GLIPR1: variants seen among roughly 807,000 people sequenced by gnomAD.
The protein encoded by GLIPR1 is GLI pathogenesis related 1.
GLIPR1 carries 38 observed loss-of-function variants against 30.3 expected under a neutral mutation model. The ratio of observed to expected loss-of-function variants is 1.26; its 90% CI spans 0.97 to 1.65. The LOEUF (loss-of-function observed/expected upper bound fraction) is 1.65. Ranked by LOEUF, GLIPR1 falls within the 40% of genes most tolerant of loss-of-function variation. GLIPR1 has a pLI of 0.00. For missense variants in GLIPR1, 285 were observed against 326.5 expected, an observed-to-expected ratio of 0.87 and a Z score of 0.98; for synonymous variants, 122 against 110.6, an observed-to-expected ratio of 1.10 and a Z score of -0.65.
At chr12:75,493,088 A>G (rs1215793041) in intron 3 of GLIPR1, 1 of 152,162 alleles carries the variant, frequency 6.6e-6, no homozygotes, top group Non-Finnish European at 1.5e-5. Flanking sequence ...TCGGTCTGCT[A>G]AACAGATGAA....
At chr12:75,498,652 TA>T in intron 4 of GLIPR1, 41 bp from the exon 5 acceptor site, 1 of 1,541,328 alleles carries the variant, frequency 6.5e-7, no homozygotes, top group Non-Finnish European at 9.0e-7. Flanking sequence ...CAACTGTGTC[TA>T]CCCTTTTAAT....
intron 3 of GLIPR1, chr12:75,494,534 C>G (rs1216687277): frequency 6.6e-6 from 1 of 152,142 alleles, no homozygotes; most frequent in Non-Finnish European, 1.5e-5. Flanking sequence ...TATCACAAAT[C>G]TTGTTTTAAA....
At chr12:75,487,764 C>G (rs1319736668) in intron 2 of GLIPR1, 3 of 456,358 alleles carry the variant, frequency 6.6e-6, no homozygotes, top group Non-Finnish European at 1.3e-5. Flanking sequence ...GGTCGGGATC[C>G]AAACCCCAAG....
Position 75,498,504 on chromosome 12 carries a change from A to AAAG in GLIPR1, c.620-189_620-187dup. The AAAG allele has an allele frequency of 3.8e-6, 2 of 530,974 alleles. 1 individual carries two copies. Among genetic ancestry groups the AAAG allele is most frequent in the Middle Eastern group, 9.7e-4 (2 of 2,064 alleles). The allele number at this position is 530,974 out of a possible 1,614,324, so 32.9% of individuals were successfully genotyped here. ...TAAAAGGTTTATAAAGTTTATGTAA[A>AAAG]AAGTCAACTTAAAAATACCAAGTTA... On this transcript the variant is annotated intron_variant, in intron 4 of 5. Coordinates refer to ENST00000266659, the MANE Select transcript of GLIPR1 (RefSeq NM_006851.3).
rs1241931982 is a variant in GLIPR1, at chr12:75,499,700, A to G, written c.*722A>G. 2.4e-6 allele frequency: 1 copy of G among 418,960 alleles called. No individual in the cohort carries two copies. The highest frequency in any genetic ancestry group is 3.6e-6 in the Non-Finnish European group (1 of 277,434). 26.0% of individuals were successfully genotyped at this position (418,960 alleles called of 1,614,324 possible). ...CTTCTATGAACAACCACCACCACCA[A>G]AAAAAAAAAAAGCCCTCAGAAAATT... is the stretch of plus-strand genomic sequence containing the variant. On this transcript the variant is annotated 3_prime_UTR_variant, in exon 6 of 6. Coordinates refer to ENST00000266659, the MANE Select transcript of GLIPR1 (RefSeq NM_006851.3).
intron 2 of GLIPR1, among the ~76,000 whole-genome samples, chr12:75,485,092 A>G (rs2046287467): frequency 6.6e-6 from 1 of 152,226 alleles, no homozygotes; most frequent in Non-Finnish European, 1.5e-5. Flanking sequence ...TGTTAAATTC[A>G]TGCTGAACAG....
At chr12:75,498,533 C>A in intron 4 of GLIPR1, 161 bp from the exon 5 acceptor site, 1 of 569,684 alleles carries the variant, frequency 1.8e-6, no homozygotes, top group African/African-American at 1.9e-5. Context: ...CAAGTTAATT[C>A]AGTCAGTTCA....
rs1257030763 is a variant in GLIPR1 at position 75,498,957 on chromosome 12, T to C, written c.780T>C (p.Pro260=). The C allele has an allele frequency of 6.3e-7, 1 of 1,599,738 alleles. No individual in the cohort carries two copies. The highest frequency in any genetic ancestry group is 8.5e-7 in the Non-Finnish European group (1 of 1,174,240). ...IITILVQHKY[P]NLVLLD is the part of the protein sequence containing the mutation. ...CCATTTTGGTACAGCACAAGTACCC[T>C]AATTTAGTTCTTTTGGACTAATACA... Residue 260 remains proline, a synonymous_variant, in exon 6 of 6, where the codon CCT becomes CCC. Coordinates refer to ENST00000266659, the MANE Select transcript of GLIPR1 (RefSeq NM_006851.3).
In GLIPR1 at chr12:75,502,093, T is replaced by TG; in HGVS notation, c.*3119dup. On this transcript the variant is annotated 3_prime_UTR_variant, in exon 6 of 6. Transcript: ENST00000266659. The stretch of plus-strand genomic sequence containing the variant: ...CACAATATCCTTAGGGTAAAAACAA[T>TG]GGGGTCAAACTGATTTATTAATAAA... 1.0e-6 allele frequency: 1 copy of TG among 989,940 alleles called. No homozygotes were observed. Among genetic ancestry groups the TG allele is most frequent in the South Asian group, 1.4e-5 (1 of 73,882 alleles). The allele number at this position is 989,940 out of a possible 1,614,324, so 61.3% of individuals were successfully genotyped here.
rs910832176 is a variant in GLIPR1 at position 75,498,689 on chromosome 12, T to C, written c.620-5T>C. Reference sequence around the variant, plus strand: ...TTTTTTTCTTTCTTCCCCCTAACTTTACAGTTAACCGACAGCGAGACCAAG... The same window carrying C: ...TTTTTTTCTTTCTTCCCCCTAACTTCACAGTTAACCGACAGCGAGACCAAG... On this transcript the variant is annotated splice_region_variant and splice_polypyrimidine_tract_variant and intron_variant, in intron 4 of 5. Transcript: ENST00000266659. 1 of 1,611,642 alleles carries C rather than the reference T, an allele frequency of 6.2e-7. No homozygotes were observed. The highest frequency in any genetic ancestry group is 1.3e-5 in the African/African-American group (1 of 74,860).
At chr12:75,488,568 A>C (rs980881873) in intron 2 of GLIPR1, among the ~76,000 whole-genome samples, 1 of 152,142 alleles carries the variant, frequency 6.6e-6, no homozygotes, top group African/African-American at 2.4e-5. Flanking sequence ...ACAAAACCAC[A>C]ACAAAAAAAC....
chr12:75,488,485 C>T lies in GLIPR1; in HGVS notation c.421-1921C>T, dbSNP rs146590794. Among the ~76,000 whole-genome samples, 1,173 of 152,094 alleles carry T rather than the reference C, an allele frequency of 7.7e-3. 14 individuals carry two copies. Among genetic ancestry groups the T allele is most frequent in the African/African-American group, 0.027 (1,118 of 41,474 alleles). Reference sequence around the variant, plus strand: ...CTGGGAGGCGGAGGTTGCAATAAGCCGAGATTGCACCATTGCACTCCAGCC... The same window carrying T: ...CTGGGAGGCGGAGGTTGCAATAAGCTGAGATTGCACCATTGCACTCCAGCC... On this transcript the variant is annotated intron_variant, in intron 2 of 5. Coordinates refer to ENST00000266659, the MANE Select transcript of GLIPR1 (RefSeq NM_006851.3).
chr12:75,486,870 C>G (rs192022275), intron 2 of GLIPR1, among the ~76,000 whole-genome samples: 1 of 152,106 alleles, frequency 6.6e-6, no homozygotes, highest in Non-Finnish European at 1.5e-5. Flanking sequence ...TATTCTATAT[C>G]TTGAATGTGG....
intron 4 of GLIPR1, 155 bp from the exon 5 acceptor site, chr12:75,498,539 G>T: frequency 1.7e-6 from 1 of 600,594 alleles, no homozygotes. Flanking sequence ...AATTCAGTCA[G>T]TTCAAAAAGT....
Position 75,481,042 on chromosome 12 carries a change from T to C in GLIPR1, c.162T>C (p.Asp54=), listed in dbSNP as rs1042769945. 4 of 1,612,366 alleles carry C rather than the reference T, an allele frequency of 2.5e-6. No homozygotes were observed. Among genetic ancestry groups the C allele is most frequent in the Admixed American group, 1.7e-5 (1 of 59,932 alleles). ...CAGAGGTGAAACCAACAGCCAGTGA[T>C]ATGCTATACATGGTAAGGAAAATAT... ...FRSEVKPTAS[D]MLYMTWDPAL... is the part of the protein sequence containing the mutation. The change falls in exon 1 of 6, where the codon GAT becomes GAC. Residue 54 remains aspartate (D), a synonymous_variant. Transcript: ENST00000266659.
intron 2 of GLIPR1, among the ~76,000 whole-genome samples, chr12:75,482,345 C>T (rs2120492036): frequency 6.6e-6 from 1 of 152,274 alleles, no homozygotes; most frequent in East Asian, 1.9e-4. Flanking sequence ...GACTTTATTC[C>T]ATTTGTGAGA....
chr12:75,482,077 C>T lies in GLIPR1; in HGVS notation c.418C>T (p.Gln140Ter). The change falls in exon 2 of 6, where the codon CAG becomes TAG. Residue 140 changes from glutamine (Q) to a stop codon, truncating the protein, a stop_gained and splice_region_variant. Transcript: ENST00000266659. LOFTEE classifies it high-confidence loss of function. ...ICKKVCGHYT[Q>*]VVWADSYKVG... ...CAAAAAAGTCTGTGGCCACTACACT[C>T]AGGTAAGGATCTGCCCTATATTATC... The T allele has an allele frequency of 6.2e-7, 1 of 1,613,246 alleles. No homozygotes were observed. Among genetic ancestry groups the T allele is most frequent in the Non-Finnish European group, 8.5e-7 (1 of 1,179,222 alleles).
At chr12:75,487,953 T>G (rs1175191524) in intron 2 of GLIPR1, 6 of 320,174 alleles carry the variant, frequency 1.9e-5, no homozygotes, top group Non-Finnish European at 3.8e-5. Flanking sequence ...AGGGGCAGAT[T>G]ATTCATGCCC....
intron 1 of GLIPR1, 134 bp from the exon 2 acceptor site, chr12:75,481,700 C>G: frequency 1.3e-6 from 1 of 746,386 alleles, no homozygotes; most frequent in Admixed American, 2.3e-5. Flanking sequence ...GCTTGAAGAC[C>G]ATATTTATAG....
Sources: gnomAD v4.1 joint callset for allele counts (sites outside exome capture counted in the v4.1 genomes callset) on GRCh38, gnomAD v4.1.1 for gene constraint, MANE v1.5 for transcripts, NCBI Gene and HGNC (gene_info 2026-07-23, HGNC 2026-07-21) for gene names.